Variants in TNIP1 observed in about 807,000 individuals in gnomAD.
The protein encoded by TNIP1 is TNFAIP3-interacting protein 1.
Under a neutral mutation model 86.6 loss-of-function variants are expected in TNIP1, and 22 were observed. The ratio of observed to expected loss-of-function variants is 0.25; its 90% CI spans 0.18 to 0.36. The LOEUF is 0.36. TNIP1 is among the 10% of genes least tolerant of loss of function. The pLI, the probability that TNIP1 is intolerant of heterozygous loss-of-function variation, is 1.00. For missense variants in TNIP1, 709 were observed against 820.6 expected (o/e 0.86, Z 1.66); for synonymous variants, 294 against 313.0 (o/e 0.94, Z 0.64).
At chr5:151,036,473 G>T (rs1757717662) in intron 13 of TNIP1, among the ~76,000 whole-genome samples, 2 of 152,168 alleles carry the variant, frequency 1.3e-5, no homozygotes, top group African/African-American at 2.4e-5. Flanking sequence ...ATAATAAATG[G>T]TTTTTTCCAA....
At chr5:151,032,535 A>G (rs1192401252) in intron 16 of TNIP1, 152 bp from the exon 17 acceptor site, 4 of 758,352 alleles carry the variant, frequency 5.3e-6, no homozygotes, top group African/African-American at 3.5e-5. Context: ...CAGGTAAGGA[A>G]TCTGAGGCTC....
chr5:151,068,204 T>A (rs987671719), intron 1 of TNIP1, among the ~76,000 whole-genome samples: 6 of 152,172 alleles, frequency 3.9e-5, no homozygotes, highest in Non-Finnish European at 8.8e-5. Context: ...CCTGGACTTC[T>A]GGAGGAAAGA....
At chr5:151,069,383 C>A (rs1009782400) in intron 1 of TNIP1, among the ~76,000 whole-genome samples, 1 of 152,158 alleles carries the variant, frequency 6.6e-6, no homozygotes, top group Non-Finnish European at 1.5e-5. Flanking sequence ...TTGCAAAATA[C>A]TTCATAGTGT....
intron 9 of TNIP1, among the ~76,000 whole-genome samples, chr5:151,044,250 C>A (rs534141356): frequency 6.6e-6 from 1 of 152,194 alleles, no homozygotes; most frequent in Admixed American, 6.5e-5. Context: ...CTATGTTGCC[C>A]AGGCTGGTCT....
upstream of TNIP1, among the ~76,000 whole-genome samples, chr5:151,087,335 G>T (rs554024602): frequency 1.3e-5 from 2 of 152,208 alleles, no homozygotes; most frequent in Non-Finnish European, 2.9e-5. Context: ...TCCCAGACTG[G>T]CTGTCCCGTG....
Position 151,036,822 on chromosome 5 carries a change from G to A in TNIP1, c.1363C>T (p.Leu455=), listed in dbSNP as rs914051629. Residue 455 remains leucine, a synonymous_variant, in exon 13 of 18, where the codon CTG becomes TTG. Coordinates refer to ENST00000521591, the MANE Select transcript of TNIP1 (RefSeq NM_006058.5). ...GAGALLRKQE[L]VTQNELLKQQ... ...TTCAGCAACTCATTCTGCGTGACCA[G>A]CTCCTGTTTCCTTAGGAGGGCCCCT... The A allele has an allele frequency of 1.2e-6, 2 of 1,613,946 alleles. No homozygotes were observed. The highest frequency in any genetic ancestry group is 1.7e-6 in the Non-Finnish European group (2 of 1,179,970).
At chr5:151,035,852 G>T in intron 13 of TNIP1, 145 bp from the exon 14 acceptor site, 1 of 957,278 alleles carries the variant, frequency 1.0e-6, no homozygotes, top group Non-Finnish European at 1.5e-6. Flanking sequence ...TACACCTCCA[G>T]CCTCCACCTT....
chr5:151,059,148 G>T (rs572546164), intron 5 of TNIP1, among the ~76,000 whole-genome samples: 16 of 152,338 alleles, frequency 1.1e-4, no homozygotes, highest in Non-Finnish European at 2.2e-4. Flanking sequence ...TGGCTCAAGT[G>T]GCTCAGCAGA....
At position 151,056,913 on chromosome 5, in the gene TNIP1, G is replaced by C; in HGVS notation, c.480C>G (p.His160Gln). 1 of 1,591,056 alleles carries C rather than the reference G, an allele frequency of 6.3e-7. No individual in the cohort carries two copies. Among genetic ancestry groups the C allele is most frequent in the South Asian group, 1.1e-5 (1 of 88,564 alleles). The change falls in exon 6 of 18, where the codon CAC becomes CAG. Residue 160 changes from histidine (H) to glutamine (Q), a missense_variant. His to Gln is a conservative substitution (Grantham distance 24). Transcript: ENST00000521591. ...LPREDGNLMLHLQRLETTLSV... is the reference protein window; with the variant it reads ...LPREDGNLMLQLQRLETTLSV... ...TCAGCGTGGTCTCCAGGCGCTGCAG[G>C]TGCAGCATCAGGTTGCCGTCCTCAC...
chr5:151,045,733 T>C (rs1759070020), intron 9 of TNIP1, 128 bp downstream of exon 9: 2 of 847,786 alleles, frequency 2.4e-6, no homozygotes, highest in Non-Finnish European at 3.9e-6. Context: ...GGCAGGTCAG[T>C]GGTCACCATG....
chr5:151,060,536 G>A (rs2233287), intron 4 of TNIP1, 141 bp from the exon 5 acceptor site: 62,678 of 706,374 alleles, frequency 0.089, 3,373 homozygotes, highest in African/African-American at 0.19. Flanking sequence ...CATCTCACAT[G>A]AGATCACAAA....
intron 1 of TNIP1, among the ~76,000 whole-genome samples, chr5:151,076,228 C>T (rs1173046847): frequency 2.0e-5 from 3 of 152,204 alleles, no homozygotes; most frequent in African/African-American, 7.2e-5. Context: ...TGTGCTCCCC[C>T]ACAAAACAAG....
At chr5:151,086,094 T>C (rs1436545983) in intron 1 of TNIP1, among the ~76,000 whole-genome samples, 1 of 152,190 alleles carries the variant, frequency 6.6e-6, no homozygotes, top group African/African-American at 2.4e-5. Context: ...TTGGATGAAC[T>C]GGCCTTTCTT....
At chr5:151,039,033 T>C (rs1758065957) in intron 12 of TNIP1, 64 bp downstream of exon 12, 2 of 1,564,110 alleles carry the variant, frequency 1.3e-6, no homozygotes, top group Admixed American at 3.7e-5. Flanking sequence ...GTGCCAGTGA[T>C]GGGGTGGGCA....
chr5:151,049,756 GGAGGTGGTAAGC>G, intron 8 of TNIP1, 56 bp downstream of exon 8: 4 of 1,576,304 alleles, frequency 2.5e-6, no homozygotes, highest in Non-Finnish European at 2.6e-6. Context: ...CACTGTCACT[GGAGGTGGTAAGC>G]AGAGGCTGAG....
intron 1 of TNIP1, among the ~76,000 whole-genome samples, chr5:151,076,482 C>T (rs1561543435): frequency 7.0e-6 from 1 of 142,738 alleles, no homozygotes; most frequent in Non-Finnish European, 1.5e-5. Context: ...AAGAGAATGC[C>T]CTGAGATGCC....
intron 8 of TNIP1, among the ~76,000 whole-genome samples, chr5:151,048,046 C>A (rs567428189): frequency 6.6e-6 from 1 of 152,328 alleles, no homozygotes; most frequent in East Asian, 1.9e-4. Flanking sequence ...CACCATAGCA[C>A]CAAGGAGCAA....
At chr5:151,057,625 G>A (rs530294792) in intron 5 of TNIP1, among the ~76,000 whole-genome samples, 1 of 152,174 alleles carries the variant, frequency 6.6e-6, no homozygotes, top group African/African-American at 2.4e-5. Flanking sequence ...GCTGAGGCAG[G>A]AGAACTATTT....
At chr5:151,084,456 A>AAAAG (rs1554082309), upstream of TNIP1, among the ~76,000 whole-genome samples, 325 of 147,248 alleles carry the variant, frequency 2.2e-3, 1 homozygote, top group African/African-American at 7.0e-3. Context: ...AAAAAAAAAA[A>AAAAG]AAAGAAAGAA....
Sources: allele counts gnomAD v4.1 joint callset (sites outside exome capture counted in the v4.1 genomes callset), GRCh38; gene constraint gnomAD v4.1.1; transcripts MANE v1.5; gene names NCBI Gene and HGNC (gene_info 2026-07-23, HGNC 2026-07-21).